Variants in CTNND2 observed in about 807,000 individuals in gnomAD.
CTNND2 encodes the protein catenin delta 2.
A neutral mutation model predicts 144.4 loss-of-function variants in CTNND2; 22 were observed. The ratio of observed to expected loss-of-function variants is 0.15; its 90% CI spans 0.11 to 0.22. The LOEUF (loss-of-function observed/expected upper bound fraction) is 0.22. Among genes scored for constraint, CTNND2 ranks in the 10% least tolerant of loss-of-function variants. CTNND2 has a pLI of 1.00. For missense variants in CTNND2, 1,353 were observed against 1,618.8 expected (o/e 0.84, Z 2.82); for synonymous variants, 751 against 695.6 (o/e 1.08, Z -1.25).
chr5:11,158,017 C>T (rs2149764573), intron 12 of CTNND2, among the ~76,000 whole-genome samples: 2 of 152,284 alleles, frequency 1.3e-5, no homozygotes, highest in South Asian at 4.1e-4. Flanking sequence ...GTCAAATGTA[C>T]TTTAATAAAG....
chr5:11,254,108 A>G (rs1743951142), intron 9 of CTNND2, among the ~76,000 whole-genome samples: 1 of 152,248 alleles, frequency 6.6e-6, no homozygotes, highest in Non-Finnish European at 1.5e-5. Flanking sequence ...TGGATTTTTA[A>G]AATTTACATA....
At chr5:10,984,509 G>A (rs1737691685) in intron 20 of CTNND2, among the ~76,000 whole-genome samples, 1 of 151,924 alleles carries the variant, frequency 6.6e-6, no homozygotes, top group South Asian at 2.1e-4. Flanking sequence ...GCTCTCACCA[G>A]AGGAATCTTA....
chr5:11,614,275 C>T (rs1581609562), intron 2 of CTNND2, among the ~76,000 whole-genome samples: 2 of 152,134 alleles, frequency 1.3e-5, no homozygotes, highest in South Asian at 4.1e-4. Flanking sequence ...TACAAAGTTA[C>T]ATAATGATGT....
At chr5:11,132,376 C>T (rs1755706847) in intron 12 of CTNND2, among the ~76,000 whole-genome samples, 1 of 152,146 alleles carries the variant, frequency 6.6e-6, no homozygotes, top group South Asian at 2.1e-4. Context: ...GATTCTAACC[C>T]CCATGTCACA....
chr5:11,369,488 T>G (rs61382050), intron 7 of CTNND2, among the ~76,000 whole-genome samples: 2,865 of 152,306 alleles, frequency 0.019, 91 homozygotes, highest in African/African-American at 0.066. Context: ...AACAAAACAA[T>G]GTATTTATTA....
chr5:10,998,492 G>A (rs141365190), intron 18 of CTNND2, among the ~76,000 whole-genome samples: 11 of 152,332 alleles, frequency 7.2e-5, no homozygotes, highest in African/African-American at 2.6e-4. Flanking sequence ...GCTGTGAGAA[G>A]AGGTGATCTT....
chr5:11,876,255 C>G (rs1374099447), intron 1 of CTNND2, among the ~76,000 whole-genome samples: 2 of 132,162 alleles, frequency 1.5e-5, no homozygotes, highest in Non-Finnish European at 3.2e-5. Context: ...AGGTGGGAGG[C>G]AGGAGAGGGC....
At position 11,903,718 on chromosome 5, in the gene CTNND2, G is replaced by T; in HGVS notation, c.37+99C>A. 8.1e-7 allele frequency: 1 copy of T among 1,240,208 alleles called. No homozygotes were observed. Among genetic ancestry groups the T allele is most frequent in the Non-Finnish European group, 1.1e-6 (1 of 948,746 alleles). 76.8% of individuals were successfully genotyped at this position (1,240,208 alleles called of 1,614,324 possible). The stretch of plus-strand genomic sequence containing the variant: ...GCAGCAGCCGCCGCCGCCGCCTGCC[G>T]GCCGGGAGCCCAGGACCACCCCCAC... On this transcript the variant is annotated intron_variant, in intron 1 of 21. Coordinates refer to ENST00000304623, the MANE Select transcript of CTNND2 (RefSeq NM_001332.4). The surrounding 1 kb of genome is among the most constrained non-coding windows in gnomAD (Gnocchi z 5.4).
intron 9 of CTNND2, among the ~76,000 whole-genome samples, chr5:11,254,986 A>G (rs1028695990): frequency 6.6e-6 from 1 of 152,202 alleles, no homozygotes; most frequent in South Asian, 2.1e-4. Flanking sequence ...TGCTGTTGTA[A>G]TTTAAAATTT....
At chr5:11,804,067 C>A (rs1791856842) in intron 1 of CTNND2, among the ~76,000 whole-genome samples, 1 of 152,146 alleles carries the variant, frequency 6.6e-6, no homozygotes, top group Non-Finnish European at 1.5e-5. Flanking sequence ...AAGACTCTGA[C>A]AGGGACTTCT....
chr5:11,543,794 A>T (rs1774970445), intron 3 of CTNND2, among the ~76,000 whole-genome samples: 1 of 152,204 alleles, frequency 6.6e-6, no homozygotes, highest in Non-Finnish European at 1.5e-5. Flanking sequence ...TACATTACTA[A>T]TGATGCTCTA....
chr5:11,853,057 G>C (rs2048091162), intron 1 of CTNND2, among the ~76,000 whole-genome samples: 2 of 152,040 alleles, frequency 1.3e-5, no homozygotes, highest in South Asian at 4.2e-4. Flanking sequence ...GTCAAAATTG[G>C]AAAACACATA....
intron 19 of CTNND2, among the ~76,000 whole-genome samples, chr5:10,992,025 C>T (rs1738734494): frequency 6.6e-6 from 1 of 152,248 alleles, no homozygotes; most frequent in Non-Finnish European, 1.5e-5. Flanking sequence ...TCAAGTGATT[C>T]TCCTGCCTCA....
intron 9 of CTNND2, among the ~76,000 whole-genome samples, chr5:11,344,131 G>A (rs531279492): frequency 1.3e-5 from 2 of 152,304 alleles, no homozygotes; most frequent in East Asian, 3.9e-4. Flanking sequence ...GTTGCCGGGC[G>A]CGGTGGCTCA....
In CTNND2 at chr5:11,510,928, CTCA is replaced by C. The variant is rs1180040702; in HGVS notation, c.287+54013_287+54015del. Reference sequence around the variant, plus strand: ...CCTGGGCAACAGAAAGAGACTCTATCTCAAAAAAAAAAAAAATGCATTTGAATA... The same window carrying C: ...CCTGGGCAACAGAAAGAGACTCTATCAAAAAAAAAAAAATGCATTTGAATA... On this transcript the variant is annotated intron_variant, in intron 3 of 21. Transcript: ENST00000304623. Among the ~76,000 whole-genome samples, 204 of 109,526 alleles carry C rather than the reference CTCA, an allele frequency of 1.9e-3. 2 individuals are homozygous for C. The highest frequency in any genetic ancestry group is 7.4e-3 in the African/African-American group (191 of 25,900). The allele number at this position is 109,526 out of a possible 152,430, so 71.9% of individuals were successfully genotyped here.
intron 9 of CTNND2, among the ~76,000 whole-genome samples, chr5:11,305,618 G>T (rs1416315553): frequency 6.6e-6 from 1 of 152,108 alleles, no homozygotes; most frequent in African/African-American, 2.4e-5. Context: ...TATGAGCCAG[G>T]TGCAGACTTA....
intron 7 of CTNND2, among the ~76,000 whole-genome samples, chr5:11,372,322 CA>C (rs1757539682): frequency 6.6e-6 from 1 of 152,212 alleles, no homozygotes; most frequent in Non-Finnish European, 1.5e-5. Flanking sequence ...CATCTATTCC[CA>C]AACTGTTAGG....
intron 12 of CTNND2, among the ~76,000 whole-genome samples, chr5:11,131,993 T>A (rs1331098696): frequency 6.6e-6 from 1 of 152,362 alleles, no homozygotes; most frequent in Admixed American, 6.5e-5. Flanking sequence ...TATTTCTTGT[T>A]TTTGTGATTG....
rs985121931 is a variant in CTNND2, at chr5:11,159,763, C to T, written c.1976-4G>A. Reference sequence around the variant, plus strand: ...GAGGAGAGGTTCCAAAGGACTCCTGCAAGAGACACACAAAAAGAGGTTTTG... The same window carrying T: ...GAGGAGAGGTTCCAAAGGACTCCTGTAAGAGACACACAAAAAGAGGTTTTG... On this transcript the variant is annotated splice_region_variant and splice_polypyrimidine_tract_variant and intron_variant, in intron 11 of 21. Coordinates refer to ENST00000304623, the MANE Select transcript of CTNND2 (RefSeq NM_001332.4). 6.4e-7 allele frequency: 1 copy of T among 1,564,316 alleles called. No homozygotes were observed. The highest frequency in any genetic ancestry group is 8.7e-7 in the Non-Finnish European group (1 of 1,153,248).
Sources: gnomAD v4.1 joint callset for allele counts (sites outside exome capture counted in the v4.1 genomes callset) on GRCh38, gnomAD v4.1.1 for gene constraint, Gnocchi (gnomAD v3.1) non-coding constraint, MANE v1.5 for transcripts, NCBI Gene and HGNC (gene_info 2026-07-23, HGNC 2026-07-21) for gene names.